Variants in FAR2 observed in about 807,000 individuals in gnomAD.
FAR2 encodes epididymis secretory protein Li 81.
In FAR2, 19 loss-of-function variants were observed where a neutral mutation model predicts 56.0. That is an observed-to-expected ratio of 0.34 (90% confidence interval 0.24 to 0.50). The LOEUF (loss-of-function observed/expected upper bound fraction) is 0.50. FAR2 is among the 20% of genes least tolerant of loss of function. The pLI is 0.98. For missense variants in FAR2, 508 were observed against 642.2 expected (o/e 0.79, Z 2.26); for synonymous variants, 219 against 218.8 (o/e 1.00, Z -0.01).
chr12:29,170,378 G>A (rs12826306), intron 1 of FAR2, among the ~76,000 whole-genome samples: 5,895 of 152,304 alleles, frequency 0.039, 338 homozygotes, highest in African/African-American at 0.13. Flanking sequence ...TTGTTAGGAA[G>A]GCTATGGGTT....
At chr12:29,238,193 A>C (rs573253585) in intron 1 of FAR2, among the ~76,000 whole-genome samples, 1 of 149,778 alleles carries the variant, frequency 6.7e-6, no homozygotes, top group East Asian at 1.9e-4. Context: ...CCCTTTTCCC[A>C]CTACATATAT....
chr12:29,237,958 G>GT (rs1947965905), intron 1 of FAR2, among the ~76,000 whole-genome samples: 2 of 152,124 alleles, frequency 1.3e-5, no homozygotes, highest in South Asian at 4.1e-4. Context: ...TATTTTCCAA[G>GT]TGACCAATGC....
At chr12:29,228,913 G>A (rs1947811706) in intron 1 of FAR2, among the ~76,000 whole-genome samples, 1 of 152,150 alleles carries the variant, frequency 6.6e-6, no homozygotes, top group East Asian at 1.9e-4. Flanking sequence ...TTGAGCAGAA[G>A]AAAAACACGG....
chr12:29,261,203 G>A (rs1006783095), intron 1 of FAR2, among the ~76,000 whole-genome samples: 1 of 152,122 alleles, frequency 6.6e-6, no homozygotes, highest in Non-Finnish European at 1.5e-5. Flanking sequence ...AAGGAATTTA[G>A]AATACTATCA....
chr12:29,304,137 G>C (rs948369066), intron 4 of FAR2, among the ~76,000 whole-genome samples: 1 of 152,134 alleles, frequency 6.6e-6, no homozygotes, highest in Non-Finnish European at 1.5e-5. Context: ...TTTGCTTCCT[G>C]CTCTAAAAGA....
At chr12:29,297,956 A>G (rs1376668156) in intron 4 of FAR2, among the ~76,000 whole-genome samples, 3 of 151,354 alleles carry the variant, frequency 2.0e-5, no homozygotes, top group African/African-American at 7.3e-5. Context: ...GAATCGCTTG[A>G]ACCTGGGAGG....
intron 11 of FAR2, chr12:29,333,231 G>T (rs1949756502): frequency 8.2e-6 from 2 of 244,944 alleles, no homozygotes; most frequent in African/African-American, 4.6e-5. Flanking sequence ...GTGCAGAGAT[G>T]ATAAGGATAA....
intron 1 of FAR2, among the ~76,000 whole-genome samples, chr12:29,264,397 T>G (rs1203689770): frequency 6.6e-6 from 1 of 152,120 alleles, no homozygotes; most frequent in Non-Finnish European, 1.5e-5. Context: ...AAGCCTTTCC[T>G]CTAAGATCTG....
rs1222559432 is a variant in FAR2 at position 29,253,132 on chromosome 12, A to G, written c.-38-17280A>G. ...ATTTTAAACTTGCCAAGCCTCCACA[A>G]CTGTGTGAGACGACTTCTTAAAGTA... On this transcript the variant is annotated intron_variant, in intron 1 of 11. Transcript: ENST00000536681. Among the ~76,000 whole-genome samples, 3 of 151,744 alleles carry G rather than the reference A, an allele frequency of 2.0e-5. 1 individual carries two copies. Among genetic ancestry groups the G allele is most frequent in the Non-Finnish European group, 4.4e-5 (3 of 67,922 alleles).
intron 1 of FAR2, among the ~76,000 whole-genome samples, chr12:29,214,831 G>GATA (rs112736046): frequency 0.072 from 10,853 of 149,914 alleles, 1,271 homozygotes; most frequent in African/African-American, 0.25. Context: ...AAAATAAAAT[G>GATA]ATAATAATAA....
chr12:29,183,376 A>G (rs999227612), intron 1 of FAR2, among the ~76,000 whole-genome samples: 4 of 152,228 alleles, frequency 2.6e-5, no homozygotes, highest in African/African-American at 7.2e-5. Context: ...ATAATCTCCA[A>G]TCCAAACAAC....
chr12:29,265,936 A>G (rs1209039448), intron 1 of FAR2, among the ~76,000 whole-genome samples: 1 of 152,234 alleles, frequency 6.6e-6, no homozygotes, highest in African/African-American at 2.4e-5. Context: ...ACTGATCATT[A>G]GAGAAATGCA....
chr12:29,330,942 A>G (rs1949722736), intron 10 of FAR2, among the ~76,000 whole-genome samples: 1 of 152,242 alleles, frequency 6.6e-6, no homozygotes, highest in Non-Finnish European at 1.5e-5. Context: ...TTGTGTAACA[A>G]AAAAGAAACA....
At chr12:29,166,921 T>C (rs1756937215) in intron 1 of FAR2, among the ~76,000 whole-genome samples, 1 of 152,170 alleles carries the variant, frequency 6.6e-6, no homozygotes, top group South Asian at 2.1e-4. Flanking sequence ...ATATGCACTT[T>C]CTCATAGTCA....
At chr12:29,322,456 G>A (rs974306085) in intron 10 of FAR2, among the ~76,000 whole-genome samples, 29 of 152,018 alleles carry the variant, frequency 1.9e-4, no homozygotes, top group African/African-American at 6.8e-4. Context: ...CTGCATCGTC[G>A]ATCTCCCTCT....
At chr12:29,212,204 G>A (rs915233445) in intron 1 of FAR2, among the ~76,000 whole-genome samples, 4 of 151,976 alleles carry the variant, frequency 2.6e-5, no homozygotes, top group Non-Finnish European at 5.9e-5. Flanking sequence ...ACAACTTAAA[G>A]CAAATACTTA....
intron 3 of FAR2, among the ~76,000 whole-genome samples, chr12:29,295,450 C>G (rs1591939660): frequency 6.6e-6 from 1 of 152,210 alleles, no homozygotes; most frequent in Non-Finnish European, 1.5e-5. Context: ...ATAATTTTGC[C>G]AGGTTTTTAA....
intron 1 of FAR2, among the ~76,000 whole-genome samples, chr12:29,183,473 A>C (rs1215910761): frequency 6.6e-6 from 1 of 152,142 alleles, no homozygotes; most frequent in Non-Finnish European, 1.5e-5. Context: ...TTCCTTCCAA[A>C]CTAGGTTTCT....
chr12:29,295,366 G>A (rs536985504), intron 3 of FAR2, among the ~76,000 whole-genome samples: 1 of 152,244 alleles, frequency 6.6e-6, no homozygotes, highest in East Asian at 1.9e-4. Context: ...GAGCCACCGT[G>A]CCCAGCCACA....
Sources: gnomAD v4.1 joint callset for allele counts (sites outside exome capture counted in the v4.1 genomes callset) on GRCh38, gnomAD v4.1.1 for gene constraint, MANE v1.5 for transcripts, NCBI Gene and HGNC (gene_info 2026-07-23, HGNC 2026-07-21) for gene names.